Variants in SHTN1 observed in about 807,000 individuals in gnomAD.
SHTN1 encodes the protein shootin-1.
In SHTN1, 42 loss-of-function variants were observed where a neutral mutation model predicts 83.1. That is an observed-to-expected ratio of 0.51 (90% confidence interval 0.39 to 0.65). The LOEUF (loss-of-function observed/expected upper bound fraction) is 0.65, where lower values mean the gene tolerates loss of function less well. Among genes scored for constraint, SHTN1 ranks in the 30% least tolerant of loss-of-function variants. The pLI is 0.00. For synonymous variants in SHTN1, 224 were observed against 247.7 expected (o/e 0.90, Z 0.90); for missense variants, 622 against 737.8 (o/e 0.84, Z 1.82).
At chr10:117,095,857 T>C (rs988137293) in intron 1 of SHTN1, among the ~76,000 whole-genome samples, 16 of 152,300 alleles carry the variant, frequency 1.1e-4, no homozygotes, top group African/African-American at 3.9e-4. Flanking sequence ...TTTGCTAGTA[T>C]TTTCACTCAC....
intron 2 of SHTN1, among the ~76,000 whole-genome samples, chr10:117,028,407 G>C (rs2133569944): frequency 6.6e-6 from 1 of 152,252 alleles, no homozygotes; most frequent in African/African-American, 2.4e-5. Context: ...GCAGTCTGTA[G>C]AAATTTGTAT....
chr10:116,940,452 A>C lies in SHTN1; in HGVS notation c.858+14T>G. 1 of 1,613,062 alleles carries C rather than the reference A, an allele frequency of 6.2e-7. No homozygotes were observed. Among genetic ancestry groups the C allele is most frequent in the Non-Finnish European group, 8.5e-7 (1 of 1,179,426 alleles). On this transcript the variant is annotated intron_variant, in intron 9 of 16. Transcript: ENST00000355371. ...GTGTGTGTGTACCTAAGATTCCAGA[A>C]GAAAATGGGTTACCTTTTGTTGATG...
At chr10:116,947,607 G>A (rs1453190299) in intron 7 of SHTN1, among the ~76,000 whole-genome samples, 2 of 152,090 alleles carry the variant, frequency 1.3e-5, no homozygotes, top group East Asian at 1.9e-4. Flanking sequence ...ACACTATGAC[G>A]ATCTGAAGCC....
In SHTN1 at chr10:116,927,869, C is replaced by A. The variant is rs1197295447; in HGVS notation, c.1035G>T (p.Val345=). Residue 345 remains valine, a synonymous_variant, in exon 11 of 17, where the codon GTG becomes GTT. Transcript: ENST00000355371. The stretch of plus-strand genomic sequence containing the variant: ...GAGGTACTGAATTCTCAGACTGGTT[C>A]ACTCGTTTCTGGAGTTCATCAACTG... The part of the protein sequence containing the change: ...KHSVDELQKR[V]NQSENSVPPP... The A allele has an allele frequency of 6.2e-7, 1 of 1,612,110 alleles. No homozygotes were observed. Among genetic ancestry groups the A allele is most frequent in the Non-Finnish European group, 8.5e-7 (1 of 1,179,146 alleles).
intron 15 of SHTN1, among the ~76,000 whole-genome samples, chr10:116,902,793 T>C (rs1475919721): frequency 6.6e-6 from 1 of 152,236 alleles, no homozygotes; most frequent in Non-Finnish European, 1.5e-5. Flanking sequence ...AGTGAGAGGA[T>C]AACCTTGAAA....
chr10:116,940,425 A>G (rs770546030), intron 9 of SHTN1, 41 bp downstream of exon 9: 22 of 1,586,076 alleles, frequency 1.4e-5, no homozygotes, highest in Non-Finnish European at 1.9e-5. Flanking sequence ...GTATGCATGT[A>G]TGTGTGTGTG....
chr10:117,104,575 C>G (rs1853646246), intron 1 of SHTN1, among the ~76,000 whole-genome samples: 1 of 152,252 alleles, frequency 6.6e-6, no homozygotes, highest in South Asian at 2.1e-4. Context: ...TCGAGACCAT[C>G]CTGGCTAACA....
rs534762236 is a variant in SHTN1 at position 116,917,578 on chromosome 10, G to A, written c.1196-2094C>T. The stretch of plus-strand genomic sequence containing the variant: ...TTGAGACTAGGAAGAGCTGCATGGT[G>A]ATAGGAACACCGCCTACAAACAGAT... On this transcript the variant is annotated intron_variant, in intron 12 of 16. Coordinates refer to ENST00000355371, the MANE Select transcript of SHTN1 (RefSeq NM_001127211.3). 8.9e-4 allele frequency among the ~76,000 whole-genome samples: 136 copies of A among 152,304 alleles called. 2 individuals are homozygous for A. In the South Asian group the frequency reaches 0.022, roughly 25 times the overall value.
Position 117,112,549 on chromosome 10 carries a change from C to A in SHTN1, c.-189+13758G>T, listed in dbSNP as rs186528363. ...GTTTCATTAAGGATTCACAACAATA[C>A]CCTGAAGTAGATATTATTATTCTGT... On this transcript the variant is annotated intron_variant, in intron 1 of 17. Transcript: ENST00000392901. Among the ~76,000 whole-genome samples the A allele has an allele frequency of 2.6e-5, 4 of 152,278 alleles. No individual in the cohort carries two copies. The East Asian group carries it at 7.7e-4, about 29-fold the overall frequency.
At chr10:117,009,929 A>G (rs985290045), upstream of SHTN1, among the ~76,000 whole-genome samples, 9 of 152,032 alleles carry the variant, frequency 5.9e-5, no homozygotes, top group African/African-American at 2.2e-4. Flanking sequence ...AAAAAAACTT[A>G]TGGAATACCG....
intron 15 of SHTN1, among the ~76,000 whole-genome samples, chr10:116,906,206 T>C (rs1363706086): frequency 6.6e-6 from 1 of 152,270 alleles, no homozygotes; most frequent in African/African-American, 2.4e-5. Flanking sequence ...ATTATTCTCA[T>C]TATATAGATG....
intron 1 of SHTN1, among the ~76,000 whole-genome samples, chr10:117,092,628 C>T (rs530688043): frequency 6.6e-6 from 1 of 152,302 alleles, no homozygotes; most frequent in South Asian, 2.1e-4. Context: ...GAGGCAACGG[C>T]GCCCAGCTGG....
chr10:116,992,577 G>GT (rs547371282), intron 1 of SHTN1, among the ~76,000 whole-genome samples: 14 of 151,992 alleles, frequency 9.2e-5, no homozygotes, highest in Non-Finnish European at 1.8e-4. Flanking sequence ...CCCAAACTCT[G>GT]TTTTTTTGTG....
intron 1 of SHTN1, among the ~76,000 whole-genome samples, chr10:117,076,044 G>A (rs150876516): frequency 0.024 from 3,573 of 152,004 alleles, 128 homozygotes; most frequent in East Asian, 0.12. Context: ...TTAGCTAGGC[G>A]TGGTGGTGCA....
chr10:117,041,549 T>G (rs1000082860), intron 2 of SHTN1, among the ~76,000 whole-genome samples: 2 of 152,200 alleles, frequency 1.3e-5, no homozygotes, highest in Non-Finnish European at 2.9e-5. Context: ...CATACGAGGA[T>G]AGCATATACA....
In SHTN1 at chr10:117,094,312, T is replaced by C. The variant is rs537672376; in HGVS notation, c.-189+31995A>G. 7.4e-4 allele frequency among the ~76,000 whole-genome samples: 113 copies of C among 152,358 alleles called. 2 individuals are homozygous for C. In the South Asian group the frequency reaches 0.022, roughly 30 times the overall value. On this transcript the variant is annotated intron_variant, in intron 1 of 17. Coordinates refer to the SHTN1 transcript ENST00000392901. ...GACACGCAATATACTTCAGCTTGGA[T>C]TGATATATCATCAGCACTGTAGGAA...
chr10:117,062,189 A>G (rs1194749217), intron 1 of SHTN1, among the ~76,000 whole-genome samples: 5 of 152,214 alleles, frequency 3.3e-5, no homozygotes, highest in African/African-American at 1.2e-4. Flanking sequence ...AAAAGGAAAC[A>G]CTAACAGTAA....
At chr10:117,062,026 A>G (rs946078224) in intron 1 of SHTN1, among the ~76,000 whole-genome samples, 7 of 152,160 alleles carry the variant, frequency 4.6e-5, no homozygotes, top group Non-Finnish European at 8.8e-5. Flanking sequence ...AACCTCAAAA[A>G]AGGGTCAGAT....
intron 1 of SHTN1, among the ~76,000 whole-genome samples, chr10:116,983,489 G>T (rs906348772): frequency 6.6e-6 from 1 of 152,098 alleles, no homozygotes; most frequent in East Asian, 1.9e-4. Flanking sequence ...AGGTGGCAAA[G>T]AAGTAAAAGC....
Sources: gnomAD v4.1 joint callset for allele counts (sites outside exome capture counted in the v4.1 genomes callset) on GRCh38, gnomAD v4.1.1 for gene constraint, MANE v1.5 for transcripts, NCBI Gene and HGNC (gene_info 2026-07-23, HGNC 2026-07-21) for gene names.